The following CDH12 variants were observed in gnomAD, a reference collection of about 807,000 sequenced individuals.
CDH12 encodes cadherin-12.
CDH12 carries 41 observed loss-of-function variants against 74.1 expected under a neutral mutation model. The observed-to-expected ratio is 0.55, with a 90% CI of 0.43 to 0.72. The LOEUF (loss-of-function observed/expected upper bound fraction) is 0.72. Among genes scored for constraint, CDH12 ranks in the 30% least tolerant of loss-of-function variants. The probability of loss-of-function intolerance (pLI) is 0.00; values close to 1 mark genes in which losing one functional copy is unlikely to be tolerated. For synonymous variants in CDH12, 399 were observed against 355.0 expected (o/e 1.12, Z -1.39); for missense variants, 945 against 977.2 (o/e 0.97, Z 0.44).
intron 3 of CDH12, among the ~76,000 whole-genome samples, chr5:22,258,691 T>A (rs956229281): frequency 6.6e-6 from 1 of 152,154 alleles, no homozygotes; most frequent in Non-Finnish European, 1.5e-5. Flanking sequence ...TACCATATAT[T>A]TACTGTATCT....
intron 1 of CDH12, among the ~76,000 whole-genome samples, chr5:22,578,007 G>A (rs1041974393): frequency 6.6e-6 from 1 of 152,142 alleles, no homozygotes; most frequent in Non-Finnish European, 1.5e-5. Flanking sequence ...ACATTTAAAT[G>A]TATTACTGCA....
intron 6 of CDH12, among the ~76,000 whole-genome samples, chr5:21,865,162 T>C (rs1047567334): frequency 1.3e-5 from 2 of 152,106 alleles, no homozygotes; most frequent in South Asian, 4.2e-4. Flanking sequence ...GCAGAAGAAA[T>C]ATCTAAGCAC....
intron 6 of CDH12, among the ~76,000 whole-genome samples, chr5:21,920,667 T>TATAATAATAATAATAATAATAATA (rs149078574): frequency 7.9e-4 from 115 of 145,526 alleles, no homozygotes; most frequent in Non-Finnish European, 1.0e-3. Context: ...GAACTTAAAG[T>TATAATAATAATAATAATAATAATA]ATGATAATAA....
chr5:22,596,814 G>T (rs1736627782), intron 1 of CDH12, among the ~76,000 whole-genome samples: 1 of 152,128 alleles, frequency 6.6e-6, no homozygotes, highest in Non-Finnish European at 1.5e-5. Flanking sequence ...CAATAGATCA[G>T]ACATGTCATC....
At position 22,851,928 on chromosome 5, in the gene CDH12, T is replaced by C. The variant is rs1357165155; in HGVS notation, c.-523+1130A>G. Among the ~76,000 whole-genome samples the C allele has an allele frequency of 3.9e-5, 6 of 152,310 alleles. No homozygotes were observed. In the South Asian group the frequency reaches 1.2e-3, roughly 32 times the overall value. Reference sequence around the variant, plus strand: ...TTCTTGACAGCTGTGTGTCTGGATATTATTTTATAACCTTACAACTGCTCA... The same window carrying C: ...TTCTTGACAGCTGTGTGTCTGGATACTATTTTATAACCTTACAACTGCTCA... On this transcript the variant is annotated intron_variant, in intron 1 of 14. Transcript: ENST00000382254.
intron 3 of CDH12, among the ~76,000 whole-genome samples, chr5:22,374,846 GA>G (rs1007451247): frequency 2.0e-5 from 3 of 148,702 alleles, no homozygotes; most frequent in African/African-American, 4.9e-5. Context: ...CTCATGAATT[GA>G]AAAAAAAATA....
rs533797491 is a variant in CDH12, at chr5:22,169,850, T to C, written c.-187+42648A>G. Among the ~76,000 whole-genome samples the C allele has an allele frequency of 6.6e-5, 10 of 152,006 alleles. No individual in the cohort carries two copies. In the South Asian group the frequency reaches 1.9e-3, roughly 28 times the overall value. On this transcript the variant is annotated intron_variant, in intron 4 of 14. Coordinates refer to ENST00000382254, the MANE Select transcript of CDH12 (RefSeq NM_004061.5). ...ACATTAACTTGTTTAAGGTCATAGA[T>C]TTAGGAAGTGGTATTTTTGAGATTC...
At chr5:21,973,920 T>A (rs1014727794) in intron 6 of CDH12, among the ~76,000 whole-genome samples, 11 of 152,124 alleles carry the variant, frequency 7.2e-5, no homozygotes, top group Non-Finnish European at 1.5e-5. Context: ...TAGCAGGTAC[T>A]GAATAACAGA....
chr5:22,095,162 G>T (rs113634206), intron 4 of CDH12, among the ~76,000 whole-genome samples: 2 of 152,046 alleles, frequency 1.3e-5, no homozygotes, highest in African/African-American at 4.8e-5. Flanking sequence ...ACGACCTCAG[G>T]TCCTCAGACC....
intron 6 of CDH12, among the ~76,000 whole-genome samples, chr5:21,859,579 C>A (rs887903204): frequency 1.3e-5 from 2 of 151,952 alleles, no homozygotes; most frequent in Non-Finnish European, 2.9e-5. Flanking sequence ...CGGAACCACT[C>A]ACCATCACCC....
intron 1 of CDH12, among the ~76,000 whole-genome samples, chr5:22,770,766 T>C (rs533572177): frequency 6.6e-6 from 1 of 152,248 alleles, no homozygotes; most frequent in Admixed American, 6.5e-5. Flanking sequence ...TTTAGATAAT[T>C]GGTGAGTAAT....
intron 4 of CDH12, among the ~76,000 whole-genome samples, chr5:22,163,587 T>C (rs1748488105): frequency 6.6e-6 from 1 of 152,210 alleles, no homozygotes; most frequent in Non-Finnish European, 1.5e-5. Flanking sequence ...GGTAGAATAC[T>C]GCCCCAAATA....
chr5:22,182,265 T>C (rs528578289), intron 4 of CDH12, among the ~76,000 whole-genome samples: 2 of 152,274 alleles, frequency 1.3e-5, no homozygotes, highest in East Asian at 3.9e-4. Flanking sequence ...ACCTAGCTTT[T>C]ATCATTTTTC....
At chr5:21,837,076 TTAA>T (rs940067128) in intron 8 of CDH12, among the ~76,000 whole-genome samples, 59 of 152,106 alleles carry the variant, frequency 3.9e-4, no homozygotes, top group Admixed American at 9.8e-4. Context: ...TCAACCATTC[TTAA>T]TAATATAGCC....
intron 5 of CDH12, among the ~76,000 whole-genome samples, chr5:22,008,074 T>A: frequency 6.6e-6 from 1 of 151,898 alleles, no homozygotes; most frequent in Non-Finnish European, 1.5e-5. Context: ...ACGTCCTGCT[T>A]TCCTCGCTGC....
intron 6 of CDH12, among the ~76,000 whole-genome samples, chr5:21,869,712 C>T (rs2150017360): frequency 6.6e-6 from 1 of 152,110 alleles, no homozygotes; most frequent in Non-Finnish European, 1.5e-5. Flanking sequence ...TTTAATTGTA[C>T]AAAGGATACT....
At position 22,324,946 on chromosome 5, in the gene CDH12, A is replaced by G. The variant is rs148970390; in HGVS notation, c.-333+80311T>C. On this transcript the variant is annotated intron_variant, in intron 3 of 14. Transcript: ENST00000382254. ...AATAAAGCATGATGGGATGATCATT[A>G]TCTAAGTGGGGGGCTGACTTAAAAT... 3.2e-3 allele frequency among the ~76,000 whole-genome samples: 492 copies of G among 152,338 alleles called. 4 individuals carry two copies. The highest frequency in any genetic ancestry group is 0.011 in the African/African-American group (456 of 41,580).
intron 1 of CDH12, among the ~76,000 whole-genome samples, chr5:22,714,540 A>G (rs1743471796): frequency 6.6e-6 from 1 of 152,180 alleles, no homozygotes; most frequent in African/African-American, 2.4e-5. Context: ...GAAAACAGTT[A>G]TATCTTTTAT....
chr5:22,417,475 G>T (rs539475842), intron 2 of CDH12, among the ~76,000 whole-genome samples: 1 of 151,956 alleles, frequency 6.6e-6, no homozygotes, highest in Non-Finnish European at 1.5e-5. Flanking sequence ...TCACATTTCC[G>T]CCTTTCACTA....
Sources: gnomAD v4.1 joint callset for allele counts (sites outside exome capture counted in the v4.1 genomes callset) on GRCh38, gnomAD v4.1.1 for gene constraint, MANE v1.5 for transcripts, NCBI Gene and HGNC (gene_info 2026-07-23, HGNC 2026-07-21) for gene names.